The following WNT9B variants were observed in gnomAD, a reference collection of about 807,000 sequenced individuals.
WNT9B encodes protein Wnt-9b.
In WNT9B, 12 loss-of-function variants were observed where a neutral mutation model predicts 30.2. That is an observed-to-expected ratio of 0.40 (90% CI 0.26 to 0.64). The LOEUF (loss-of-function observed/expected upper bound fraction) is 0.64, where lower values mean the gene tolerates loss of function less well. Ranked by LOEUF, WNT9B falls within the 30% of genes least tolerant of loss-of-function variation. WNT9B has a pLI of 0.42. For missense variants in WNT9B, 442 were observed against 485.2 expected (o/e 0.91, Z 0.84); for synonymous variants, 218 against 216.9 (o/e 1.01, Z -0.05).
At chr17:46,839,909 CTCTT>C (rs1439374239) in intron 1 of WNT9B, among the ~76,000 whole-genome samples, 3 of 141,054 alleles carry the variant, frequency 2.1e-5, no homozygotes, top group Non-Finnish European at 3.1e-5. Flanking sequence ...GCCACATTTT[CTCTT>C]TTCTTTCTTT....
At chr17:46,866,611 G>T (rs2085142688) in intron 1 of WNT9B, among the ~76,000 whole-genome samples, 1 of 152,056 alleles carries the variant, frequency 6.6e-6, no homozygotes, top group South Asian at 2.1e-4. Context: ...CATCTGATGG[G>T]GTTTTTCAGG....
chr17:46,849,597 G>T (rs2084815813), upstream of WNT9B, among the ~76,000 whole-genome samples: 1 of 152,212 alleles, frequency 6.6e-6, no homozygotes, highest in Admixed American at 6.5e-5. Context: ...TGCTGGAGCT[G>T]GGTCCAGCTG....
intron 2 of WNT9B, among the ~76,000 whole-genome samples, chr17:46,874,032 C>T (rs1180905226): frequency 6.6e-6 from 1 of 151,884 alleles, no homozygotes; most frequent in Admixed American, 6.6e-5. Context: ...ACAGGGCAGC[C>T]AGGCCCCTCC....
intron 1 of WNT9B, among the ~76,000 whole-genome samples, chr17:46,852,258 G>A (rs1032314510): frequency 1.3e-5 from 2 of 148,456 alleles, no homozygotes; most frequent in African/African-American, 4.9e-5. Flanking sequence ...GGGAGAATGG[G>A]GGAAACCTCG....
At chr17:46,837,976 G>A (rs928232318) in intron 1 of WNT9B, among the ~76,000 whole-genome samples, 85 of 152,142 alleles carry the variant, frequency 5.6e-4, no homozygotes, top group African/African-American at 2.0e-3. Context: ...CGTTTTCCAC[G>A]TGTACATCAC....
upstream of WNT9B, among the ~76,000 whole-genome samples, chr17:46,849,342 C>T (rs1368288999): frequency 1.3e-5 from 2 of 152,188 alleles, no homozygotes; most frequent in Admixed American, 6.5e-5. Flanking sequence ...GGAGAATGTG[C>T]CCTGCCTTCT....
chr17:46,872,503 C>G lies in WNT9B; in HGVS notation c.78-14C>G. ...CCCAAGGCTCACCTGTCTCCCTCCT[C>G]TCGCTCTCTCTAGCCTGACCGGGCG... is the stretch of plus-strand genomic sequence containing the variant. On this transcript the variant is annotated splice_polypyrimidine_tract_variant and intron_variant, in intron 1 of 3. Transcript: ENST00000290015. 6 of 1,476,510 alleles carry G rather than the reference C, an allele frequency of 4.1e-6. No individual in the cohort carries two copies. Among genetic ancestry groups the G allele is most frequent in the Non-Finnish European group, 5.4e-6 (6 of 1,109,166 alleles). 91.5% of individuals were successfully genotyped at this position (1,476,510 alleles called of 1,614,324 possible). A position where few individuals can be genotyped will look rare whatever the true frequency, so the allele number is the denominator to read the frequency against.
intron 1 of WNT9B, among the ~76,000 whole-genome samples, chr17:46,844,466 C>CAGTCAGGA (rs1231531723): frequency 6.6e-6 from 1 of 152,106 alleles, no homozygotes; most frequent in African/African-American, 2.4e-5. Context: ...AACTGTCTAC[C>CAGTCAGGA]AGTCAGGACA....
chr17:46,874,999 CA>C, intron 2 of WNT9B, 101 bp from the exon 3 acceptor site: 9 of 1,580,998 alleles, frequency 5.7e-6, no homozygotes, highest in Non-Finnish European at 7.8e-6. Flanking sequence ...GCGCTGCCAC[CA>C]CCGCCTCTGG....
chr17:46,844,938 C>T (rs1055799539), intron 1 of WNT9B, among the ~76,000 whole-genome samples: 1 of 152,090 alleles, frequency 6.6e-6, no homozygotes, highest in Non-Finnish European at 1.5e-5. Flanking sequence ...ACCTCCGCCT[C>T]CCAGCTGCAA....
chr17:46,871,108 G>T (rs554636387), intron 1 of WNT9B, among the ~76,000 whole-genome samples: 1 of 151,782 alleles, frequency 6.6e-6, no homozygotes, highest in South Asian at 2.1e-4. Flanking sequence ...ACAGGGTTTT[G>T]CTGTCACACA....
At chr17:46,841,557 T>G (rs1307066713) in intron 1 of WNT9B, among the ~76,000 whole-genome samples, 2 of 150,872 alleles carry the variant, frequency 1.3e-5, no homozygotes, top group African/African-American at 2.4e-5. Flanking sequence ...CGGGTTAAGG[T>G]GGGGGCGTGG....
intron 1 of WNT9B, among the ~76,000 whole-genome samples, chr17:46,860,021 G>A (rs1035796146): frequency 1.3e-5 from 2 of 152,166 alleles, no homozygotes; most frequent in Admixed American, 1.3e-4. Context: ...ATAGTTGGAG[G>A]GAAGGAAAGG....
At position 46,875,207 on chromosome 17, in the gene WNT9B, C is replaced by G. The variant is rs765909398; in HGVS notation, c.441C>G (p.Asp147Glu). The G allele has an allele frequency of 3.1e-5, 50 of 1,614,038 alleles. No homozygotes were observed. The highest frequency in any genetic ancestry group is 4.2e-5 in the Non-Finnish European group (49 of 1,180,054). ...AGRMERCTCDDSPGLESRQAW... is the reference protein window; with the variant it reads ...AGRMERCTCDESPGLESRQAW... Reference sequence around the variant, plus strand: ...GCATGGAGCGCTGCACCTGTGATGACTCTCCGGGGCTGGAGAGCCGGCAGG... The same window carrying G: ...GCATGGAGCGCTGCACCTGTGATGAGTCTCCGGGGCTGGAGAGCCGGCAGG... The change falls in exon 3 of 4, where the codon GAC (aspartate) becomes GAG (glutamate). Residue 147 changes from aspartate (D) to glutamate (E), a missense_variant. Physicochemically the swap from Asp to Glu is conservative, Grantham distance 45. Transcript: ENST00000290015.
exon 5 of WNT9B, chr17:46,886,576 A>T (rs2085491377): frequency 6.6e-6 from 1 of 151,866 alleles, no homozygotes; most frequent in Admixed American, 6.6e-5. Context: ...TCAATTAAGG[A>T]TGCTGTAACC....
Position 46,876,690 on chromosome 17 carries a change from A to G in WNT9B, c.1046A>G (p.Glu349Gly), listed in dbSNP as rs751098377. The G allele has an allele frequency of 1.9e-6, 3 of 1,571,680 alleles. No homozygotes were observed. The highest frequency in any genetic ancestry group is 2.6e-6 in the Non-Finnish European group (3 of 1,154,754). The change falls in exon 4 of 4, where the codon GAG becomes GGG. Residue 349 changes from glutamate to glycine, a missense_variant. Glu to Gly is a moderately conservative substitution (Grantham distance 98). Transcript: ENST00000290015. ...CYVECQQCVQ[E>G]ELVYTCKH is the part of the protein sequence containing the mutation. The stretch of plus-strand genomic sequence containing the variant: ...GTGGAGTGCCAGCAATGTGTGCAGG[A>G]GGAGCTTGTGTACACCTGCAAGCAC...
At chr17:46,855,023 T>C (rs2084915999) in intron 1 of WNT9B, among the ~76,000 whole-genome samples, 1 of 152,194 alleles carries the variant, frequency 6.6e-6, no homozygotes, top group Non-Finnish European at 1.5e-5. Context: ...CAGAGCCATG[T>C]AGGATGGGTG....
intron 1 of WNT9B, among the ~76,000 whole-genome samples, chr17:46,859,664 T>C (rs544445957): frequency 2.0e-5 from 3 of 152,352 alleles, no homozygotes; most frequent in African/African-American, 7.2e-5. Context: ...CGAAATTGCA[T>C]GGGCTATTCA....
chr17:46,875,765 T>C (rs1199080627), intron 3 of WNT9B, among the ~76,000 whole-genome samples: 1 of 152,184 alleles, frequency 6.6e-6, no homozygotes, highest in Non-Finnish European at 1.5e-5. Flanking sequence ...TTCTCCATTT[T>C]ATGGGTGGGA....
Sources: gnomAD v4.1 joint callset for allele counts (sites outside exome capture counted in the v4.1 genomes callset) on GRCh38, gnomAD v4.1.1 for gene constraint, MANE v1.5 for transcripts, NCBI Gene and HGNC (gene_info 2026-07-23, HGNC 2026-07-21) for gene names.